KIF6: variants seen among roughly 807,000 people sequenced by gnomAD.
KIF6 encodes the protein kinesin family member 6.
Under a neutral mutation model 112.7 loss-of-function variants are expected in KIF6, and 106 were observed. The observed-to-expected ratio is 0.94, with a 90% CI of 0.80 to 1.11. KIF6 has a LOEUF of 1.11. Ranked by LOEUF, KIF6 falls within the 50% of genes least tolerant of loss-of-function variation. The pLI is 0.00. For synonymous variants in KIF6, 339 were observed against 339.9 expected, an observed-to-expected ratio of 1.00 and a Z score of 0.03; for missense variants, 929 against 964.0, an observed-to-expected ratio of 0.96 and a Z score of 0.48.
At chr6:39,617,951 C>T (rs978196924) in intron 5 of KIF6, among the ~76,000 whole-genome samples, 2 of 152,218 alleles carry the variant, frequency 1.3e-5, no homozygotes, top group South Asian at 2.1e-4. Flanking sequence ...CTCCCCAACA[C>T]ATTTTCTCAG....
chr6:39,575,819 G>C (rs1780936456), intron 10 of KIF6, among the ~76,000 whole-genome samples: 1 of 152,050 alleles, frequency 6.6e-6, no homozygotes, highest in African/African-American at 2.4e-5. Flanking sequence ...TCCAGACGTG[G>C]AGCAATTATT....
chr6:39,559,950 G>C (rs1400520411), intron 10 of KIF6, among the ~76,000 whole-genome samples: 1 of 151,948 alleles, frequency 6.6e-6, no homozygotes, highest in African/African-American at 2.4e-5. Flanking sequence ...AGCTAAAATA[G>C]GGTTGCAAAT....
chr6:39,467,161 G>A (rs1039374669), intron 13 of KIF6, among the ~76,000 whole-genome samples: 1 of 152,204 alleles, frequency 6.6e-6, no homozygotes, highest in African/African-American at 2.4e-5. Flanking sequence ...GGAGATTCTG[G>A]TGGTAGCCAA....
intron 5 of KIF6, among the ~76,000 whole-genome samples, chr6:39,630,832 T>C (rs985359342): frequency 3.9e-5 from 6 of 152,024 alleles, no homozygotes; most frequent in African/African-American, 1.4e-4. Flanking sequence ...CTTTATCAGG[T>C]TGAGAACATT....
At chr6:39,356,930 T>C (rs1445755495) in intron 19 of KIF6, among the ~76,000 whole-genome samples, 1 of 152,166 alleles carries the variant, frequency 6.6e-6, no homozygotes, top group Non-Finnish European at 1.5e-5. Flanking sequence ...CCACCACCAC[T>C]GTCCCCCAAA....
intron 4 of KIF6, among the ~76,000 whole-genome samples, chr6:39,639,379 T>C (rs1408895024): frequency 6.6e-6 from 1 of 152,078 alleles, no homozygotes; most frequent in African/African-American, 2.4e-5. Flanking sequence ...CAGAAGGAAA[T>C]GTCCTTGAGC....
chr6:39,566,336 G>A (rs1278899901), intron 10 of KIF6, among the ~76,000 whole-genome samples: 1 of 152,108 alleles, frequency 6.6e-6, no homozygotes, highest in African/African-American at 2.4e-5. Flanking sequence ...AAAATGTAAT[G>A]TTTATGCATC....
chr6:39,346,647 CT>C lies in KIF6; in HGVS notation c.2181-122del, dbSNP rs569607707. 1.2e-3 allele frequency: 632 copies of C among 534,986 alleles called. 1 individual carries two copies. The highest frequency in any genetic ancestry group is 0.011 in the African/African-American group (565 of 51,678). The allele number at this position is 534,986 out of a possible 1,614,324, so 33.1% of individuals were successfully genotyped here. ...CTTGGATGGTTTACACAGTAATTTT[CT>C]TTTTTTCTTTTTTTTTGAGATGGAG... On this transcript the variant is annotated intron_variant, in intron 19 of 22. Coordinates refer to ENST00000287152, the MANE Select transcript of KIF6 (RefSeq NM_145027.6).
intron 3 of KIF6, among the ~76,000 whole-genome samples, chr6:39,643,773 T>C: frequency 6.6e-6 from 1 of 152,230 alleles, no homozygotes; most frequent in South Asian, 2.1e-4. Flanking sequence ...GCAATGTTTT[T>C]TAGATATGAC....
rs35355386 is a variant in KIF6 at position 39,516,744 on chromosome 6, C to A, written c.1645+23259G>T. ...TTTATGGATGTGTTGCCACATGCAA[C>A]AAAGAAAAATCTTAGAAAATTCTTA... On this transcript the variant is annotated intron_variant, in intron 13 of 22. Coordinates refer to ENST00000287152, the MANE Select transcript of KIF6 (RefSeq NM_145027.6). Among the ~76,000 whole-genome samples the A allele has an allele frequency of 4.3e-4, 65 of 152,222 alleles. No individual in the cohort carries two copies. In the South Asian group the frequency reaches 5.8e-3, roughly 14 times the overall value.
At position 39,525,339 on chromosome 6, in the gene KIF6, C is replaced by T. The variant is rs116091867; in HGVS notation, c.1645+14664G>A. Among the ~76,000 whole-genome samples the T allele has an allele frequency of 4.5e-3, 689 of 152,264 alleles. 5 individuals carry two copies. Among genetic ancestry groups the T allele is most frequent in the Non-Finnish European group, 7.6e-3 (516 of 68,020 alleles). On this transcript the variant is annotated intron_variant, in intron 13 of 22. Coordinates refer to ENST00000287152, the MANE Select transcript of KIF6 (RefSeq NM_145027.6). ...AAAGTGCTAGGTTTACGGGCAAGAG[C>T]TACTGTACTTGGGCCCCAGAAGTGT...
intron 14 of KIF6, among the ~76,000 whole-genome samples, chr6:39,430,390 T>C (rs926351731): frequency 6.6e-6 from 1 of 152,216 alleles, no homozygotes; most frequent in Non-Finnish European, 1.5e-5. Context: ...CAGTCTCATG[T>C]GACATATGAG....
At chr6:39,348,807 G>C (rs942386164) in intron 19 of KIF6, among the ~76,000 whole-genome samples, 3 of 152,158 alleles carry the variant, frequency 2.0e-5, no homozygotes, top group African/African-American at 7.2e-5. Flanking sequence ...CCAGCGCCCC[G>C]CTACCCCCAG....
At chr6:39,702,945 A>G (rs1387304471) in intron 3 of KIF6, among the ~76,000 whole-genome samples, 1 of 152,072 alleles carries the variant, frequency 6.6e-6, no homozygotes, top group African/African-American at 2.4e-5. Flanking sequence ...CAGTAGGTAA[A>G]GTACTTGGGC....
At chr6:39,436,153 A>G (rs898872185) in intron 13 of KIF6, among the ~76,000 whole-genome samples, 1 of 151,876 alleles carries the variant, frequency 6.6e-6, no homozygotes, top group East Asian at 1.9e-4. Context: ...GGCCATTTTT[A>G]TATCTTTTTT....
chr6:39,681,732 C>T (rs530604567), intron 3 of KIF6, among the ~76,000 whole-genome samples: 2 of 152,278 alleles, frequency 1.3e-5, no homozygotes, highest in African/African-American at 2.4e-5. Context: ...GGACAATAAG[C>T]AGTTTCATCC....
intron 13 of KIF6, among the ~76,000 whole-genome samples, chr6:39,520,833 A>G (rs1444725408): frequency 1.3e-5 from 2 of 152,184 alleles, no homozygotes; most frequent in East Asian, 3.8e-4. Context: ...CACATATACT[A>G]ATTATAATAA....
intron 13 of KIF6, among the ~76,000 whole-genome samples, chr6:39,433,578 G>A (rs1771311691): frequency 6.6e-6 from 1 of 152,230 alleles, no homozygotes. Context: ...CACGGACAAA[G>A]TATTCTGGAG....
chr6:39,501,832 G>A (rs1186347233), intron 13 of KIF6, among the ~76,000 whole-genome samples: 1 of 152,190 alleles, frequency 6.6e-6, no homozygotes, highest in Non-Finnish European at 1.5e-5. Context: ...ATGGGATTAT[G>A]TGAAGTGACT....
Sources: allele counts gnomAD v4.1 joint callset (sites outside exome capture counted in the v4.1 genomes callset), GRCh38; gene constraint gnomAD v4.1.1; transcripts MANE v1.5; gene names NCBI Gene and HGNC (gene_info 2026-07-23, HGNC 2026-07-21).